The following OSBPL8 variants were observed in gnomAD, a reference collection of about 807,000 sequenced individuals.
The protein encoded by OSBPL8 is oxysterol-binding protein-related protein 8.
In OSBPL8, 59 loss-of-function variants were observed where a neutral mutation model predicts 125.5. That is an observed-to-expected ratio of 0.47 (90% CI 0.38 to 0.58). The LOEUF is 0.58. Among genes scored for constraint, OSBPL8 ranks in the 20% least tolerant of loss-of-function variants. OSBPL8 has a pLI of 0.00. For missense variants in OSBPL8, 758 were observed against 1,047.8 expected (o/e 0.72, Z 3.82); for synonymous variants, 330 against 338.9 (o/e 0.97, Z 0.29).
intron 2 of OSBPL8, among the ~76,000 whole-genome samples, chr12:76,485,070 G>A (rs376104439): frequency 6.6e-6 from 1 of 151,876 alleles, no homozygotes; most frequent in Non-Finnish European, 1.5e-5. Flanking sequence ...ACAGGTGCCT[G>A]CCACCACGTC....
Position 76,402,917 on chromosome 12 carries a change from T to C in OSBPL8, c.289-151A>G, listed in dbSNP as rs1289549599. ...TCAATAGAATTTTCCCTATATGTCTTTAAAAATGAATCCATGTTAAATCCA... is the reference window on the plus strand; with the variant it reads ...TCAATAGAATTTTCCCTATATGTCTCTAAAAATGAATCCATGTTAAATCCA... On this transcript the variant is annotated intron_variant, in intron 5 of 23. Coordinates refer to ENST00000261183, the MANE Select transcript of OSBPL8 (RefSeq NM_020841.5). 6.5e-6 allele frequency: 4 copies of C among 619,398 alleles called. No individual in the cohort carries two copies. The East Asian group carries it at 1.1e-4, about 17-fold the overall frequency. 38.4% of individuals were successfully genotyped at this position (619,398 alleles called of 1,614,324 possible). A position where few individuals can be genotyped will look rare whatever the true frequency, so the allele number is the denominator to read the frequency against.
In OSBPL8 at chr12:76,369,303, T is replaced by C; in HGVS notation, c.2241-2A>G. ...TTAAGTGGGTCCCATGGTCGGGTAC[T>C]ACATAAATGAAAAAAAAAAAAACCA... On this transcript the variant is annotated splice_acceptor_variant, in intron 20 of 23. Coordinates refer to ENST00000261183, the MANE Select transcript of OSBPL8 (RefSeq NM_020841.5). LOFTEE classifies it high-confidence loss of function. 1.3e-6 allele frequency: 2 copies of C among 1,550,452 alleles called. No homozygotes were observed. The highest frequency in any genetic ancestry group is 2.2e-5 in the Admixed American group (1 of 45,856).
rs533055175 is a variant in OSBPL8, at chr12:76,422,801, C to T, written c.218-12167G>A. Reference sequence around the variant, plus strand: ...ACATTTAACAGCAAAGGAGAAGGACCAAAGACTGTCAAATCAGCAATAAAC... The same window carrying T: ...ACATTTAACAGCAAAGGAGAAGGACTAAAGACTGTCAAATCAGCAATAAAC... On this transcript the variant is annotated intron_variant, in intron 4 of 23. Coordinates refer to ENST00000261183, the MANE Select transcript of OSBPL8 (RefSeq NM_020841.5). The T allele has an allele frequency of 4.4e-4, 125 of 283,710 alleles. 1 individual carries two copies. The highest frequency in any genetic ancestry group is 2.5e-3 in the African/African-American group (114 of 46,202). The allele number at this position is 283,710 out of a possible 1,614,324, so 17.6% of individuals were successfully genotyped here.
chr12:76,536,608 T>C (rs1358730876), intron 1 of OSBPL8, among the ~76,000 whole-genome samples: 1 of 151,976 alleles, frequency 6.6e-6, no homozygotes, highest in African/African-American at 2.4e-5. Flanking sequence ...AAAAGTAACA[T>C]GGAATAAATC....
chr12:76,390,337 TCAAG>T, intron 11 of OSBPL8, 79 bp downstream of exon 11: 2 of 1,027,798 alleles, frequency 1.9e-6, no homozygotes, highest in Non-Finnish European at 2.9e-6. Context: ...AGGCAATAGA[TCAAG>T]CAAATAATAT....
intron 15 of OSBPL8, among the ~76,000 whole-genome samples, chr12:76,379,643 T>C (rs1952961898): frequency 6.6e-6 from 1 of 152,220 alleles, no homozygotes; most frequent in African/African-American, 2.4e-5. Flanking sequence ...TGTGTTTTAC[T>C]TCCTTCAATT....
chr12:76,529,239 A>C lies in OSBPL8; in HGVS notation c.-68+30158T>G, dbSNP rs1478712043. 2.0e-5 allele frequency among the ~76,000 whole-genome samples: 3 copies of C among 152,222 alleles called. No homozygotes were observed. In the East Asian group the frequency reaches 5.8e-4, roughly 29 times the overall value. On this transcript the variant is annotated intron_variant, in intron 1 of 23. Coordinates refer to ENST00000261183, the MANE Select transcript of OSBPL8 (RefSeq NM_020841.5). The stretch of plus-strand genomic sequence containing the variant: ...GAACTAGGATATTAAGGTGCACACT[A>C]TAAGGAAAATACAAGATAATGCTAA...
chr12:76,362,841 A>T (rs1952260956), intron 21 of OSBPL8, among the ~76,000 whole-genome samples: 1 of 151,512 alleles, frequency 6.6e-6, no homozygotes, highest in African/African-American at 2.4e-5. Flanking sequence ...AAGTCTCAGG[A>T]TACAAAAAAA....
At chr12:76,411,781 G>C (rs1261472807) in intron 4 of OSBPL8, among the ~76,000 whole-genome samples, 1 of 152,038 alleles carries the variant, frequency 6.6e-6, no homozygotes, top group Non-Finnish European at 1.5e-5. Flanking sequence ...ATTTGGGGTA[G>C]TGGTCTCTTC....
chr12:76,541,969 C>T (rs946799851), intron 1 of OSBPL8, among the ~76,000 whole-genome samples: 8 of 152,066 alleles, frequency 5.3e-5, no homozygotes, highest in African/African-American at 1.9e-4. Context: ...GTTGGGAGTT[C>T]GAGACCCACC....
chr12:76,475,123 G>C (rs747294981), intron 2 of OSBPL8, among the ~76,000 whole-genome samples: 1 of 152,056 alleles, frequency 6.6e-6, no homozygotes, highest in Non-Finnish European at 1.5e-5. Context: ...GGACTCCCAT[G>C]AATTTTTTTT....
intron 2 of OSBPL8, chr12:76,485,888 A>G: frequency 3.6e-6 from 1 of 274,236 alleles, no homozygotes; most frequent in Non-Finnish European, 7.3e-6. Context: ...ATATCACTAG[A>G]AGACCAAAAG....
chr12:76,541,418 C>T lies in OSBPL8; in HGVS notation c.-68+17979G>A, dbSNP rs540703165. On this transcript the variant is annotated intron_variant, in intron 1 of 23. Transcript: ENST00000261183. ...GCTTGAACCCAGGAGGCAGAGGTTGCGGTGAGTCGACATTGTGCCACTGCA... is the reference window on the plus strand; with the variant it reads ...GCTTGAACCCAGGAGGCAGAGGTTGTGGTGAGTCGACATTGTGCCACTGCA... Among the ~76,000 whole-genome samples, 12 of 151,960 alleles carry T rather than the reference C, an allele frequency of 7.9e-5. 1 individual carries two copies. Among genetic ancestry groups the T allele is most frequent in the East Asian group, 7.7e-4 (4 of 5,166 alleles).
chr12:76,525,344 A>T (rs987503395), intron 1 of OSBPL8, among the ~76,000 whole-genome samples: 4 of 152,228 alleles, frequency 2.6e-5, no homozygotes, highest in African/African-American at 4.8e-5. Flanking sequence ...AGGTCTTTTT[A>T]AAAAAGTGAG....
intron 2 of OSBPL8, among the ~76,000 whole-genome samples, chr12:76,471,953 C>T (rs1033513003): frequency 6.6e-6 from 1 of 152,204 alleles, no homozygotes; most frequent in Non-Finnish European, 1.5e-5. Context: ...TTTTTTGATA[C>T]TGACTTTTCA....
At position 76,352,997 on chromosome 12, in the gene OSBPL8, A is replaced by G. The variant is rs1444378755; in HGVS notation, c.*2892T>C. On this transcript the variant is annotated 3_prime_UTR_variant, in exon 24 of 24. Transcript: ENST00000261183. ...TTAAATATACTATAGCTATATAAAA[A>G]GAAAGTAACACACAGAAATGACCCT... The G allele has an allele frequency of 6.6e-6, 1 of 152,532 alleles. No individual in the cohort carries two copies. The highest frequency in any genetic ancestry group is 2.4e-5 in the African/African-American group (1 of 41,462). The allele number at this position is 152,532 out of a possible 1,614,324, so 9.4% of individuals were successfully genotyped here. A position where few individuals can be genotyped will look rare whatever the true frequency, so the allele number is the denominator to read the frequency against.
chr12:76,366,994 A>G (rs1952441009), intron 21 of OSBPL8, among the ~76,000 whole-genome samples: 1 of 152,140 alleles, frequency 6.6e-6, no homozygotes, highest in South Asian at 2.1e-4. Flanking sequence ...TTCCACGTAC[A>G]CTTGAGAAGA....
At chr12:76,416,228 CT>C (rs993067897) in intron 4 of OSBPL8, among the ~76,000 whole-genome samples, 3 of 151,846 alleles carry the variant, frequency 2.0e-5, no homozygotes, top group African/African-American at 7.2e-5. Context: ...TTTTATTGAA[CT>C]TTTTGTTATA....
chr12:76,502,215 C>A (rs1031462912), intron 1 of OSBPL8, among the ~76,000 whole-genome samples: 1 of 146,076 alleles, frequency 6.8e-6, no homozygotes, highest in African/African-American at 2.5e-5. Flanking sequence ...AGGTGCATGG[C>A]TCTGAGAATG....
Sources: allele counts gnomAD v4.1 joint callset (sites outside exome capture counted in the v4.1 genomes callset), GRCh38; gene constraint gnomAD v4.1.1; transcripts MANE v1.5; gene names NCBI Gene and HGNC (gene_info 2026-07-23, HGNC 2026-07-21).